The following ITGA9 variants were observed in gnomAD, a reference collection of about 807,000 sequenced individuals.
ITGA9 encodes the protein integrin alpha-9.
A neutral mutation model predicts 127.8 loss-of-function variants in ITGA9; 56 were observed. The ratio of observed to expected loss-of-function variants is 0.44; its 90% CI spans 0.35 to 0.55. The LOEUF (loss-of-function observed/expected upper bound fraction) is 0.55. Ranked by LOEUF, ITGA9 falls within the 20% of genes least tolerant of loss-of-function variation. ITGA9 has a pLI of 0.00. For missense variants in ITGA9, 1,196 were observed against 1,347.1 expected (o/e 0.89, Z 1.76); for synonymous variants, 508 against 514.5 (o/e 0.99, Z 0.17).
intron 27 of ITGA9, chr3:37,808,454 AC>A (rs1352749850): frequency 6.6e-6 from 1 of 152,178 alleles, no homozygotes; most frequent in African/African-American, 2.4e-5. Flanking sequence ...AGAAAAGAAA[AC>A]AATTAGGCAG....
chr3:37,758,848 G>T (rs1417816724), intron 23 of ITGA9, among the ~76,000 whole-genome samples: 2 of 151,914 alleles, frequency 1.3e-5, no homozygotes, highest in Non-Finnish European at 2.9e-5. Flanking sequence ...GAATACAGAA[G>T]GTAAGAGCTG....
At chr3:37,622,379 G>A (rs778066947) in intron 15 of ITGA9, among the ~76,000 whole-genome samples, 3 of 151,834 alleles carry the variant, frequency 2.0e-5, no homozygotes, top group East Asian at 3.9e-4. Flanking sequence ...GTGAGCCACC[G>A]TGCCCAGCCT....
chr3:37,469,020 A>G (rs1366486962), intron 1 of ITGA9, among the ~76,000 whole-genome samples: 5 of 152,194 alleles, frequency 3.3e-5, no homozygotes, highest in Non-Finnish European at 7.3e-5. Flanking sequence ...ATTCTTTGCT[A>G]TAGATCTTCT....
intron 15 of ITGA9, among the ~76,000 whole-genome samples, chr3:37,616,451 G>T (rs1362654896): frequency 6.6e-6 from 1 of 150,808 alleles, no homozygotes; most frequent in African/African-American, 2.4e-5. Flanking sequence ...GTTGATTTGG[G>T]GTGGAGAGTT....
chr3:37,811,508 C>T (rs541217534), intron 27 of ITGA9, among the ~76,000 whole-genome samples: 1 of 152,176 alleles, frequency 6.6e-6, no homozygotes, highest in Non-Finnish European at 1.5e-5. Context: ...GAAAGACACC[C>T]CCCTTCCCTT....
chr3:37,708,477 A>G (rs1282751821), intron 18 of ITGA9, among the ~76,000 whole-genome samples: 1 of 152,168 alleles, frequency 6.6e-6, no homozygotes, highest in African/African-American at 2.4e-5. Context: ...GCGTTTTTGC[A>G]AACTATCTAC....
In ITGA9 at chr3:37,799,095, C is replaced by T. The variant is rs906589403; in HGVS notation, c.2890-4728C>T. 7.2e-5 allele frequency among the ~76,000 whole-genome samples: 11 copies of T among 152,104 alleles called. No individual in the cohort carries two copies. Among genetic ancestry groups the T allele is most frequent in the Admixed American group, 3.3e-4 (5 of 15,272 alleles). On this transcript the variant is annotated intron_variant, in intron 26 of 27. Transcript: ENST00000264741. The surrounding 1 kb of genome is among the most constrained non-coding windows in gnomAD (Gnocchi z 4.0). ...ACATCTTTGAGCATAAAACTTTTTC[C>T]GTATTTTATATTTATTTCCTTTGAG...
chr3:37,753,515 G>C (rs1233575045), intron 23 of ITGA9, among the ~76,000 whole-genome samples: 1 of 152,178 alleles, frequency 6.6e-6, no homozygotes, highest in Non-Finnish European at 1.5e-5. Context: ...GTCACCACTT[G>C]TGAGTGTATG....
chr3:37,786,909 C>T (rs1332458655), intron 26 of ITGA9, among the ~76,000 whole-genome samples: 1 of 152,170 alleles, frequency 6.6e-6, no homozygotes, highest in East Asian at 1.9e-4. Flanking sequence ...TGCACTGGTG[C>T]AATCATGGCT....
At chr3:37,594,296 A>C (rs1025503930) in intron 15 of ITGA9, among the ~76,000 whole-genome samples, 6 of 152,180 alleles carry the variant, frequency 3.9e-5, no homozygotes, top group Non-Finnish European at 5.9e-5. Context: ...GGGGACTCAC[A>C]TCTCTGTCTG....
chr3:37,744,118 T>G (rs1426338534), intron 22 of ITGA9, 84 bp downstream of exon 22: 7 of 925,148 alleles, frequency 7.6e-6, no homozygotes, highest in African/African-American at 3.2e-5. Flanking sequence ...GGCTAAGCTC[T>G]TGTCAGGAGA....
intron 4 of ITGA9, among the ~76,000 whole-genome samples, chr3:37,489,885 G>A (rs933194361): frequency 6.6e-5 from 10 of 152,104 alleles, no homozygotes; most frequent in South Asian, 4.1e-4. Flanking sequence ...TGAAGCGTGC[G>A]ACTTGTGGAT....
intron 15 of ITGA9, among the ~76,000 whole-genome samples, chr3:37,603,591 A>AAAGC (rs1699941752): frequency 6.6e-6 from 1 of 152,216 alleles, no homozygotes; most frequent in African/African-American, 2.4e-5. Context: ...GAACTGAGGC[A>AAAGC]TGCTATTAAG....
rs5022255 is a variant in ITGA9 at position 37,767,525 on chromosome 3, A to G, written c.2542-9867A>G. On this transcript the variant is annotated intron_variant, in intron 23 of 27. Transcript: ENST00000264741. Reference sequence around the variant, plus strand: ...TTTAACTTCTTGCTCCACCTGCTCTATCCCCAGCTCTGCAGGTTTGGAGTG... The same window carrying G: ...TTTAACTTCTTGCTCCACCTGCTCTGTCCCCAGCTCTGCAGGTTTGGAGTG... 2.0e-5 allele frequency among the ~76,000 whole-genome samples: 3 copies of G among 152,314 alleles called. No individual in the cohort carries two copies. The East Asian group carries it at 5.8e-4, about 29-fold the overall frequency.
At chr3:37,530,448 A>G (rs894510874) in intron 13 of ITGA9, among the ~76,000 whole-genome samples, 1 of 152,176 alleles carries the variant, frequency 6.6e-6, no homozygotes, top group African/African-American at 2.4e-5. Context: ...TATGGGCTGC[A>G]GCTAAGAGAA....
chr3:37,494,771 G>A (rs1383950477), intron 5 of ITGA9, among the ~76,000 whole-genome samples: 1 of 152,178 alleles, frequency 6.6e-6, no homozygotes, highest in African/African-American at 2.4e-5. Flanking sequence ...CTGGGCAGAG[G>A]AGGTGGGGTG....
intron 23 of ITGA9, among the ~76,000 whole-genome samples, chr3:37,771,466 G>A (rs1365720137): frequency 6.6e-6 from 1 of 152,168 alleles, no homozygotes; most frequent in Non-Finnish European, 1.5e-5. Flanking sequence ...ACATCCTCAT[G>A]TGTAGATGAG....
Position 37,459,630 on chromosome 3 carries a change from C to T in ITGA9, c.185+7071C>T, listed in dbSNP as rs551402352. Among the ~76,000 whole-genome samples, 220 of 152,328 alleles carry T rather than the reference C, an allele frequency of 1.4e-3. 4 individuals carry two copies. Among genetic ancestry groups the T allele is most frequent in the African/African-American group, 5.0e-3 (209 of 41,566 alleles). ...CTGTAGCAGCTGGCTATCATTTTAT[C>T]CCCATTCATGGAGGGGAAGCTGAGG... On this transcript the variant is annotated intron_variant, in intron 1 of 27. Coordinates refer to ENST00000264741, the MANE Select transcript of ITGA9 (RefSeq NM_002207.3).
chr3:37,653,680 C>T (rs1369412213), intron 16 of ITGA9, 34 bp from the exon 17 acceptor site: 1 of 1,511,894 alleles, frequency 6.6e-7, no homozygotes, highest in Non-Finnish European at 9.2e-7. Context: ...CCACTCAATC[C>T]TGCCCTAACC....
Sources: gnomAD v4.1 joint callset for allele counts (sites outside exome capture counted in the v4.1 genomes callset) on GRCh38, gnomAD v4.1.1 for gene constraint, Gnocchi (gnomAD v3.1) non-coding constraint, MANE v1.5 for transcripts, NCBI Gene and HGNC (gene_info 2026-07-23, HGNC 2026-07-21) for gene names.